Variants in PCBP3 observed in about 807,000 individuals in gnomAD.
PCBP3 encodes the protein poly(rC) binding protein 3, also known as poly(rC)-binding protein 3.
In PCBP3, 25 loss-of-function variants were observed where a neutral mutation model predicts 52.7. That is an observed-to-expected ratio of 0.47 (90% CI 0.35 to 0.66). The LOEUF is 0.66. Ranked by LOEUF, PCBP3 falls within the 30% of genes least tolerant of loss-of-function variation. The pLI is 0.01. For missense variants in PCBP3, 391 were observed against 490.3 expected (o/e 0.80, Z 1.91); for synonymous variants, 162 against 183.0 (o/e 0.89, Z 0.93).
rs1216501667 is a variant in PCBP3, at chr21:45,901,054, A to T, written c.280A>T (p.Thr94Ser). The change falls in exon 9 of 18, where the codon ACA becomes TCA. Residue 94 changes from threonine (T) to serine (S), a missense_variant. Physicochemically the swap from Thr to Ser is moderately conservative, Grantham distance 58. Transcript: ENST00000681687. Reference protein sequence around the residue: ...GNCPERIVTITGPTDAIFKAF... With the variant: ...GNCPERIVTISGPTDAIFKAF... ...CTGCCCAGAGAGGATTGTGACCATC[A>T]CAGGCCCCACAGACGCCATCTTCAA... 1 of 1,614,094 alleles carries T rather than the reference A, an allele frequency of 6.2e-7. No homozygotes were observed. The highest frequency in any genetic ancestry group is 1.7e-5 in the Admixed American group (1 of 60,024).
chr21:45,884,742 T>G (rs570260760), intron 5 of PCBP3, among the ~76,000 whole-genome samples: 35 of 152,342 alleles, frequency 2.3e-4, no homozygotes, highest in African/African-American at 7.9e-4. Flanking sequence ...TTAAATTTTT[T>G]TGTAGAGACA....
rs188119872 is a variant in PCBP3, at chr21:45,889,239, T to G, written c.11-6969T>G. 1.1e-4 allele frequency among the ~76,000 whole-genome samples: 17 copies of G among 152,232 alleles called. No homozygotes were observed. In the East Asian group the frequency reaches 3.3e-3, roughly 29 times the overall value. On this transcript the variant is annotated intron_variant, in intron 5 of 17. Coordinates refer to ENST00000681687, the MANE Select transcript of PCBP3 (RefSeq NM_001384156.1). ...TGGAGTGGAGAGAGGAGCTGTTAAA[T>G]GTAAGTGCCCCGAGCTGCCGTCAGC... is the stretch of plus-strand genomic sequence containing the variant.
At chr21:45,838,950 C>T (rs568857121) in intron 4 of PCBP3, among the ~76,000 whole-genome samples, 124 of 152,286 alleles carry the variant, frequency 8.1e-4, no homozygotes, top group African/African-American at 2.8e-3. Flanking sequence ...TCACTTTCCT[C>T]CCTTTCTCTC....
intron 5 of PCBP3, among the ~76,000 whole-genome samples, chr21:45,883,297 T>G (rs1293101755): frequency 2.0e-5 from 3 of 152,178 alleles, no homozygotes; most frequent in African/African-American, 7.2e-5. Context: ...TGAGGTTTCT[T>G]TTATGGCCAA....
At chr21:45,844,060 G>A (rs1015331958) in intron 4 of PCBP3, among the ~76,000 whole-genome samples, 5 of 151,960 alleles carry the variant, frequency 3.3e-5, no homozygotes, top group South Asian at 2.1e-4. Flanking sequence ...ATTAATGCTC[G>A]TCTCTCTCCT....
At chr21:45,664,194 A>G (rs1391339292) in intron 1 of PCBP3, among the ~76,000 whole-genome samples, 1 of 122,696 alleles carries the variant, frequency 8.2e-6, no homozygotes, top group Non-Finnish European at 1.7e-5. Flanking sequence ...GAAGTCAGAA[A>G]GAAATCACAT....
intron 3 of PCBP3, among the ~76,000 whole-genome samples, chr21:45,748,923 C>T (rs551707294): frequency 6.6e-6 from 1 of 152,302 alleles, no homozygotes; most frequent in Admixed American, 6.5e-5. Flanking sequence ...TGCTGCTTTT[C>T]CATCTGTGAG....
intron 4 of PCBP3, among the ~76,000 whole-genome samples, chr21:45,781,909 GT>G (rs1261547733): frequency 6.6e-6 from 1 of 152,158 alleles, no homozygotes; most frequent in Admixed American, 6.5e-5. Flanking sequence ...TTCACTGAAA[GT>G]TTATATAAAT....
chr21:45,819,383 G>A (rs747833100), intron 4 of PCBP3, among the ~76,000 whole-genome samples: 10 of 152,222 alleles, frequency 6.6e-5, no homozygotes, highest in Non-Finnish European at 1.2e-4. Context: ...GGAAAGCGCT[G>A]GTTATGTATT....
chr21:45,832,696 C>G (rs1250833360), intron 4 of PCBP3: 1 of 152,246 alleles, frequency 6.6e-6, no homozygotes, highest in Non-Finnish European at 1.5e-5. Context: ...GCAGATGGAG[C>G]TTAACAAATG....
chr21:45,697,630 A>C (rs2082863962), intron 2 of PCBP3, among the ~76,000 whole-genome samples: 2 of 152,100 alleles, frequency 1.3e-5, no homozygotes, highest in Non-Finnish European at 2.9e-5. Context: ...CTGTGGTCCA[A>C]GCTACTCGGA....
At chr21:45,896,100 C>T (rs1404043648) in intron 5 of PCBP3, 108 bp from the exon 6 acceptor site, 1 of 1,054,698 alleles carries the variant, frequency 9.5e-7, no homozygotes, top group Non-Finnish European at 1.4e-6. Context: ...TGGGCAACCC[C>T]ATTCTCCTGC....
At chr21:45,759,850 A>G (rs1331358736) in intron 4 of PCBP3, 1 of 152,232 alleles carries the variant, frequency 6.6e-6, no homozygotes, top group Non-Finnish European at 1.5e-5. Flanking sequence ...GAAACTCTGG[A>G]ACACCAAAGA....
At chr21:45,727,177 C>A (rs1356646677) in intron 2 of PCBP3, among the ~76,000 whole-genome samples, 3 of 152,106 alleles carry the variant, frequency 2.0e-5, no homozygotes, top group African/African-American at 7.2e-5. Flanking sequence ...AGTCTATGAT[C>A]CATTTTGAAT....
At chr21:45,764,493 G>A (rs1252093999) in intron 4 of PCBP3, among the ~76,000 whole-genome samples, 6 of 152,160 alleles carry the variant, frequency 3.9e-5, no homozygotes, top group East Asian at 1.9e-4. Context: ...TAGTTAACCC[G>A]CCAAGTGAGG....
rs1378074529 is a variant in PCBP3 at position 45,805,450 on chromosome 21, GC to G, written c.-125-44506del. ...GCCATGGGCAGCCCTTCCTTCTGGA[GC>G]CCCCTGTCTTCCCTTATCCACTGCC... On this transcript the variant is annotated intron_variant, in intron 4 of 17. Transcript: ENST00000681687. This position sits in a 1 kb window ranked among gnomAD's most constrained non-coding sequence, Gnocchi z 4.6. 6.6e-6 allele frequency among the ~76,000 whole-genome samples: 1 copy of G among 152,086 alleles called. No homozygotes were observed. Among genetic ancestry groups the G allele is most frequent in the Non-Finnish European group, 1.5e-5 (1 of 68,006 alleles).
intron 4 of PCBP3, among the ~76,000 whole-genome samples, chr21:45,794,704 C>T (rs2091824592): frequency 2.6e-5 from 4 of 152,100 alleles, no homozygotes; most frequent in South Asian, 2.1e-4. Context: ...CCGAGGTGGG[C>T]GGATCACAAG....
intron 4 of PCBP3, among the ~76,000 whole-genome samples, chr21:45,767,354 A>G (rs1189423856): frequency 6.6e-6 from 1 of 152,202 alleles, no homozygotes; most frequent in Non-Finnish European, 1.5e-5. Context: ...GTTTATCTGC[A>G]TCATCGTAGC....
chr21:45,900,803 T>C (rs1382991092), intron 8 of PCBP3, among the ~76,000 whole-genome samples, 180 bp downstream of exon 8: 1 of 152,200 alleles, frequency 6.6e-6, no homozygotes, highest in Admixed American at 6.5e-5. Context: ...GGGGAAGGAA[T>C]CTGTTGGATT....
Sources: allele counts gnomAD v4.1 joint callset (sites outside exome capture counted in the v4.1 genomes callset), GRCh38; gene constraint gnomAD v4.1.1; non-coding constraint Gnocchi (gnomAD v3.1); transcripts MANE v1.5; gene names NCBI Gene and HGNC (gene_info 2026-07-23, HGNC 2026-07-21).